The following HTR1E variants were observed in gnomAD, a reference collection of about 807,000 sequenced individuals.
The protein encoded by HTR1E is 5-HT-1E.
HTR1E carries 3 observed loss-of-function variants against 3.4 expected under a neutral mutation model. That is an observed-to-expected ratio of 0.89 (90% CI 0.41 to 2.31). The LOEUF (loss-of-function observed/expected upper bound fraction) is 2.31, where lower values mean the gene tolerates loss of function less well. Ranked by LOEUF, HTR1E falls within the 30% of genes most tolerant of loss-of-function variation. The pLI is 0.05. For missense variants in HTR1E, 392 were observed against 467.0 expected, an observed-to-expected ratio of 0.84 and a Z score of 1.48; for synonymous variants, 170 against 182.8, an observed-to-expected ratio of 0.93 and a Z score of 0.56.
At chr6:86,946,839 G>A (rs1003935036) in intron 1 of HTR1E, among the ~76,000 whole-genome samples, 3 of 152,190 alleles carry the variant, frequency 2.0e-5, no homozygotes, top group South Asian at 2.1e-4. Context: ...CACAGAGGCC[G>A]GGCACGGTGG....
chr6:86,971,863 AT>A (rs1767562319), intron 1 of HTR1E, among the ~76,000 whole-genome samples: 1 of 152,124 alleles, frequency 6.6e-6, no homozygotes. Flanking sequence ...CTTTGTATCC[AT>A]GTATACCCAA....
chr6:86,980,246 G>C (rs1189852248), intron 1 of HTR1E, among the ~76,000 whole-genome samples: 2 of 152,084 alleles, frequency 1.3e-5, no homozygotes, highest in Admixed American at 1.3e-4. Flanking sequence ...AAATAGCCGG[G>C]CATGGTGGCG....
intron 1 of HTR1E, among the ~76,000 whole-genome samples, chr6:86,946,949 T>C (rs2127816620): frequency 6.6e-6 from 1 of 152,262 alleles, no homozygotes; most frequent in South Asian, 2.1e-4. Flanking sequence ...AAACCCTGTC[T>C]CTACTAAAAA....
chr6:86,938,139 A>T (rs1056939195), intron 1 of HTR1E, among the ~76,000 whole-genome samples: 34 of 152,324 alleles, frequency 2.2e-4, no homozygotes, highest in Middle Eastern at 3.4e-3. Context: ...CTTAAAGATT[A>T]AATAGGTATG....
intron 1 of HTR1E, among the ~76,000 whole-genome samples, chr6:86,944,591 C>T (rs1415153685): frequency 6.6e-6 from 1 of 152,166 alleles, no homozygotes; most frequent in Non-Finnish European, 1.5e-5. Context: ...GTGAATTTTA[C>T]ACCTTGCTGT....
chr6:86,970,755 C>CA lies in HTR1E; in HGVS notation c.-186+32935dup, dbSNP rs1767540746. The CA allele has an allele frequency of 1.4e-5, 3 of 213,352 alleles. No individual in the cohort carries two copies. The South Asian group carries it at 2.3e-4, about 17-fold the overall frequency. 13.2% of individuals were successfully genotyped at this position (213,352 alleles called of 1,614,324 possible). On this transcript the variant is annotated intron_variant, in intron 1 of 1. Coordinates refer to ENST00000305344, the MANE Select transcript of HTR1E (RefSeq NM_000865.3). ...ATCAGAAGTTCCAATGGTGTGCACA[C>CA]AAAGGTGTTCTGAAAGGTATTATTG...
At chr6:86,958,361 G>C (rs1312795090) in intron 1 of HTR1E, among the ~76,000 whole-genome samples, 3 of 152,142 alleles carry the variant, frequency 2.0e-5, no homozygotes, top group Non-Finnish European at 2.9e-5. Context: ...AAGCCCATGT[G>C]CCTATACTCA....
chr6:86,969,297 T>C (rs1767516178), intron 1 of HTR1E, among the ~76,000 whole-genome samples: 1 of 152,090 alleles, frequency 6.6e-6, no homozygotes. Context: ...AAAATAAGAT[T>C]AAAATGTCAG....
At chr6:86,949,586 T>G (rs1767195216) in intron 1 of HTR1E, among the ~76,000 whole-genome samples, 1 of 152,294 alleles carries the variant, frequency 6.6e-6, no homozygotes, top group Admixed American at 6.5e-5. Flanking sequence ...AACATTTCTA[T>G]CAAAAGTTTT....
intron 1 of HTR1E, among the ~76,000 whole-genome samples, chr6:86,953,852 A>G (rs888077467): frequency 2.0e-5 from 3 of 152,174 alleles, no homozygotes; most frequent in Non-Finnish European, 4.4e-5. Flanking sequence ...ATTATAGCAG[A>G]AGCAAAGGGG....
At chr6:87,009,167 T>A (rs1472026265) in intron 1 of HTR1E, among the ~76,000 whole-genome samples, 3 of 150,652 alleles carry the variant, frequency 2.0e-5, no homozygotes, top group Non-Finnish European at 4.4e-5. Flanking sequence ...GATAAACAAG[T>A]GAACAAAGGT....
chr6:87,003,546 A>T (rs866221545), intron 1 of HTR1E, among the ~76,000 whole-genome samples: 1 of 151,952 alleles, frequency 6.6e-6, no homozygotes, highest in African/African-American at 2.4e-5. Flanking sequence ...CTCAAAAAAA[A>T]AAAAAGAAAA....
rs576853027 is a variant in HTR1E at position 86,955,729 on chromosome 6, A to T, written c.-186+17906A>T. Among the ~76,000 whole-genome samples, 510 of 150,258 alleles carry T rather than the reference A, an allele frequency of 3.4e-3. 7 individuals carry two copies. Among genetic ancestry groups the T allele is most frequent in the African/African-American group, 0.011 (462 of 40,866 alleles). On this transcript the variant is annotated intron_variant, in intron 1 of 1. Coordinates refer to ENST00000305344, the MANE Select transcript of HTR1E (RefSeq NM_000865.3). ...ATGTGTAGGCTTGAGTGAGTGAGAG[A>T]GAGTGTGTGTGTGTGTATGTATGTG...
At chr6:86,981,734 C>A (rs1767714532) in intron 1 of HTR1E, among the ~76,000 whole-genome samples, 1 of 152,192 alleles carries the variant, frequency 6.6e-6, no homozygotes, top group Non-Finnish European at 1.5e-5. Context: ...TTGTTTAATT[C>A]TCATAACTGT....
chr6:86,969,390 G>GAT (rs60796681), intron 1 of HTR1E, among the ~76,000 whole-genome samples: 22,403 of 152,014 alleles, frequency 0.15, 1,856 homozygotes, highest in East Asian at 0.29. Context: ...CTGCCCTCCT[G>GAT]ATAAAGTTCA....
chr6:87,010,951 TAC>T (rs964193930), intron 1 of HTR1E, among the ~76,000 whole-genome samples: 25 of 152,354 alleles, frequency 1.6e-4, no homozygotes, highest in Admixed American at 9.1e-4. Context: ...TGAATTTTTT[TAC>T]AGTTTGGATT....
At chr6:87,014,769 A>C (rs1768291801) in intron 1 of HTR1E, among the ~76,000 whole-genome samples, 2 of 152,134 alleles carry the variant, frequency 1.3e-5, no homozygotes, top group African/African-American at 4.8e-5. Context: ...ACACATGGGC[A>C]CAGGGCCGGG....
At chr6:86,943,668 A>C (rs2127815575) in intron 1 of HTR1E, among the ~76,000 whole-genome samples, 1 of 152,356 alleles carries the variant, frequency 6.6e-6, no homozygotes, top group African/African-American at 2.4e-5. Context: ...CCAGAAAGCC[A>C]GGTTCATATC....
At position 87,016,133 on chromosome 6, in the gene HTR1E, C is replaced by A. The variant is rs142001331; in HGVS notation, c.799C>A (p.Pro267Thr). The change falls in exon 2 of 2, where the codon CCC becomes ACC. Residue 267 changes from proline (P) to threonine (T), a missense_variant. Coordinates refer to ENST00000305344, the MANE Select transcript of HTR1E (RefSeq NM_000865.3). ...EKFHASIRIP[P>T]FDNDLDHPGE... The stretch of plus-strand genomic sequence containing the variant: ...GTTCCATGCCTCCATCAGGATCCCC[C>A]CCTTCGACAATGATCTAGATCACCC... 11 of 1,614,156 alleles carry A rather than the reference C, an allele frequency of 6.8e-6. No individual in the cohort carries two copies. The highest frequency in any genetic ancestry group is 3.3e-5 in the Admixed American group (2 of 60,026).
Sources: allele counts gnomAD v4.1 joint callset (sites outside exome capture counted in the v4.1 genomes callset), GRCh38; gene constraint gnomAD v4.1.1; transcripts MANE v1.5; gene names NCBI Gene and HGNC (gene_info 2026-07-23, HGNC 2026-07-21).